Variants in BCKDHB observed in about 807,000 individuals in gnomAD.
BCKDHB encodes branched chain keto acid dehydrogenase E1 subunit beta.
In BCKDHB, 41 loss-of-function variants were observed where a neutral mutation model predicts 48.5. The observed-to-expected ratio is 0.85, with a 90% CI of 0.66 to 1.10. The LOEUF (loss-of-function observed/expected upper bound fraction) is 1.10, where lower values mean the gene tolerates loss of function less well. BCKDHB is among the 50% of genes least tolerant of loss of function. The probability of loss-of-function intolerance (pLI) is 0.00; values close to 1 mark genes in which losing one functional copy is unlikely to be tolerated. For synonymous variants in BCKDHB, 201 were observed against 174.8 expected (o/e 1.15, Z -1.18); for missense variants, 496 against 494.2 (o/e 1.00, Z -0.03).
Position 80,343,824 on chromosome 6 carries a change from T to C in BCKDHB, c.*20T>C. 4 of 1,613,424 alleles carry C rather than the reference T, an allele frequency of 2.5e-6. No homozygotes were observed. The highest frequency in any genetic ancestry group is 3.4e-6 in the Non-Finnish European group (4 of 1,179,482). On this transcript the variant is annotated 3_prime_UTR_variant, in exon 10 of 10. Transcript: ENST00000320393. ...TATTGACCATATAGGTAGGTATGCA[T>C]CTTGAGAAAGCTACTATGTGCCCCT...
chr6:80,352,137 T>C, the BCKDHB span, among the ~76,000 whole-genome samples: 1 of 126,740 alleles, frequency 7.9e-6, no homozygotes, highest in Non-Finnish European at 1.7e-5. Flanking sequence ...TGTTTTCTTC[T>C]TTTTGTTGTT....
intron 1 of BCKDHB, among the ~76,000 whole-genome samples, chr6:80,110,843 A>G (rs907828993): frequency 1.3e-5 from 2 of 152,178 alleles, no homozygotes; most frequent in African/African-American, 4.8e-5. Flanking sequence ...GAAAATAAAT[A>G]GCTAGGGGTC....
In BCKDHB at chr6:80,122,958, C is replaced by G. The variant is rs942127887; in HGVS notation, c.197-4589C>G. 6.0e-5 allele frequency among the ~76,000 whole-genome samples: 9 copies of G among 150,688 alleles called. No homozygotes were observed. In the East Asian group the frequency reaches 1.8e-3, roughly 30 times the overall value. ...CGCTCCCAGAGCGGATGTTTATAGG[C>G]CTTCCCCCCCTCCCCCCCGGCCCCC... On this transcript the variant is annotated intron_variant, in intron 1 of 9. Transcript: ENST00000320393.
At chr6:80,401,807 A>G in the BCKDHB span, among the ~76,000 whole-genome samples, 7 of 151,992 alleles carry the variant, frequency 4.6e-5, no homozygotes, top group Non-Finnish European at 8.9e-5. Context: ...TTTAGATTTC[A>G]CATATAAATT....
chr6:80,122,747 C>G (rs1770097892), intron 1 of BCKDHB, among the ~76,000 whole-genome samples: 1 of 152,168 alleles, frequency 6.6e-6, no homozygotes, highest in African/African-American at 2.4e-5. Context: ...TGATAAGGGT[C>G]TATCTTCAGC....
intron 9 of BCKDHB, among the ~76,000 whole-genome samples, chr6:80,304,754 T>C (rs999770837): frequency 2.0e-5 from 3 of 152,170 alleles, no homozygotes; most frequent in African/African-American, 7.2e-5. Context: ...AATGGCAGAT[T>C]GACCTAACAT....
At chr6:80,189,296 A>C (rs1773788248) in intron 6 of BCKDHB, among the ~76,000 whole-genome samples, 1 of 152,158 alleles carries the variant, frequency 6.6e-6, no homozygotes, top group South Asian at 2.1e-4. Flanking sequence ...CTGAGCATCC[A>C]GCTGAGGTTA....
chr6:80,279,167 A>G (rs184597995), intron 9 of BCKDHB, among the ~76,000 whole-genome samples: 323 of 151,328 alleles, frequency 2.1e-3, no homozygotes, highest in African/African-American at 7.2e-3. Context: ...TGTTTTTTTG[A>G]GACAGAGTCT....
At chr6:80,269,848 T>C (rs1777661117) in intron 8 of BCKDHB, among the ~76,000 whole-genome samples, 1 of 152,138 alleles carries the variant, frequency 6.6e-6, no homozygotes, top group Non-Finnish European at 1.5e-5. Context: ...CATTGAAACA[T>C]ACTGCATTAA....
chr6:80,130,937 A>G (rs965707985), intron 3 of BCKDHB, among the ~76,000 whole-genome samples: 3 of 152,174 alleles, frequency 2.0e-5, no homozygotes, highest in African/African-American at 7.2e-5. Flanking sequence ...GTGTAGTAGC[A>G]TGCCATGTGC....
At chr6:80,146,355 T>C (rs1405037192) in intron 3 of BCKDHB, among the ~76,000 whole-genome samples, 1 of 152,226 alleles carries the variant, frequency 6.6e-6, no homozygotes, top group Non-Finnish European at 1.5e-5. Flanking sequence ...ACTTCGTTTC[T>C]TTTATTTAGG....
At chr6:80,424,615 C>G in the BCKDHB span, among the ~76,000 whole-genome samples, 466 of 152,136 alleles carry the variant, frequency 3.1e-3, 1 homozygote, top group Non-Finnish European at 4.9e-3. Context: ...CATAAGACCC[C>G]CATTCTTGAA....
chr6:80,198,206 G>A lies in BCKDHB; in HGVS notation c.743-2728G>A, dbSNP rs538783546. On this transcript the variant is annotated intron_variant, in intron 6 of 9. Transcript: ENST00000320393. ...TAGACACTGTGTAAATCAATGGCAT[G>A]GTTGTGAGCCAACGAAATGCTGTTT... Among the ~76,000 whole-genome samples the A allele has an allele frequency of 2.0e-5, 3 of 152,254 alleles. No individual in the cohort carries two copies. The East Asian group carries it at 5.8e-4, about 29-fold the overall frequency.
intron 8 of BCKDHB, among the ~76,000 whole-genome samples, chr6:80,228,693 T>A (rs1775781554): frequency 2.6e-5 from 4 of 152,066 alleles, no homozygotes; most frequent in Admixed American, 2.6e-4. Flanking sequence ...GGTGGGGGGT[T>A]TTGTGATAGC....
At chr6:80,334,135 A>C (rs1399606056) in intron 9 of BCKDHB, among the ~76,000 whole-genome samples, 1 of 152,154 alleles carries the variant, frequency 6.6e-6, no homozygotes, top group Non-Finnish European at 1.5e-5. Context: ...AATCTGAAAG[A>C]CTTCTTTGTA....
At chr6:80,404,895 G>A in the BCKDHB span, among the ~76,000 whole-genome samples, 8 of 151,924 alleles carry the variant, frequency 5.3e-5, no homozygotes, top group African/African-American at 1.9e-4. Context: ...TAACACTGTG[G>A]TCAGAAAAGA....
At chr6:80,327,592 C>G (rs889442809) in intron 9 of BCKDHB, among the ~76,000 whole-genome samples, 1 of 152,146 alleles carries the variant, frequency 6.6e-6, no homozygotes, top group Non-Finnish European at 1.5e-5. Context: ...TGAAAGAGTT[C>G]GTCCAACTTT....
intron 9 of BCKDHB, among the ~76,000 whole-genome samples, chr6:80,300,499 G>A (rs1363876100): frequency 6.6e-6 from 1 of 152,198 alleles, no homozygotes; most frequent in Non-Finnish European, 1.5e-5. Context: ...GAAGCAGCCA[G>A]TTTCATAAAA....
intron 8 of BCKDHB, among the ~76,000 whole-genome samples, chr6:80,257,384 A>G (rs1378641533): frequency 6.7e-6 from 1 of 149,474 alleles, no homozygotes; most frequent in Non-Finnish European, 1.5e-5. Context: ...GTATATATAC[A>G]TATATTTTTA....
Sources: gnomAD v4.1 joint callset for allele counts (sites outside exome capture counted in the v4.1 genomes callset) on GRCh38, gnomAD v4.1.1 for gene constraint, MANE v1.5 for transcripts, NCBI Gene and HGNC (gene_info 2026-07-23, HGNC 2026-07-21) for gene names.